CLNK: variants seen among roughly 807,000 people sequenced by gnomAD.
CLNK encodes the protein cytokine dependent hematopoietic cell linker.
A neutral mutation model predicts 68.6 loss-of-function variants in CLNK; 74 were observed. That is an observed-to-expected ratio of 1.08 (90% confidence interval 0.89 to 1.31). The LOEUF is 1.31. CLNK is among the 50% of genes most tolerant of loss of function. The pLI, the probability that CLNK is intolerant of heterozygous loss-of-function variation, is 0.00. For missense variants in CLNK, 553 were observed against 515.3 expected (o/e 1.07, Z -0.71); for synonymous variants, 198 against 172.2 (o/e 1.15, Z -1.17).
chr4:10,609,100 C>A (rs1721904769), intron 2 of CLNK, among the ~76,000 whole-genome samples: 1 of 152,214 alleles, frequency 6.6e-6, no homozygotes, highest in African/African-American at 2.4e-5. Context: ...TTAAACAAGA[C>A]AGGATAGGTG....
intron 2 of CLNK, among the ~76,000 whole-genome samples, chr4:10,621,419 A>G (rs1035494300): frequency 5.3e-5 from 8 of 152,296 alleles, no homozygotes; most frequent in African/African-American, 1.9e-4. Flanking sequence ...TCATTCAATC[A>G]AAGAAAACTA....
chr4:10,518,818 C>T (rs935219781), intron 15 of CLNK, among the ~76,000 whole-genome samples: 7 of 152,198 alleles, frequency 4.6e-5, no homozygotes, highest in African/African-American at 1.4e-4. Flanking sequence ...TGCATGAATG[C>T]CCATACCTGA....
intron 8 of CLNK, among the ~76,000 whole-genome samples, chr4:10,544,734 A>T (rs1719161421): frequency 6.6e-6 from 1 of 152,176 alleles, no homozygotes; most frequent in Non-Finnish European, 1.5e-5. Context: ...TTAAAACAGA[A>T]TACTTGAAAT....
At chr4:10,491,765 AG>A (rs1215296542) in intron 18 of CLNK, among the ~76,000 whole-genome samples, 1 of 130,976 alleles carries the variant, frequency 7.6e-6, no homozygotes, top group African/African-American at 3.0e-5. Flanking sequence ...GAGCATATAT[AG>A]TAATTTTTTT....
At chr4:10,678,831 G>T (rs2108901754) in intron 1 of CLNK, among the ~76,000 whole-genome samples, 1 of 152,224 alleles carries the variant, frequency 6.6e-6, no homozygotes, top group South Asian at 2.1e-4. Context: ...TCTTCAAGGA[G>T]AACTACAAAC....
At chr4:10,525,230 AATTTTTTTGT>A (rs1414750738) in intron 14 of CLNK, among the ~76,000 whole-genome samples, 28 of 151,928 alleles carry the variant, frequency 1.8e-4, no homozygotes, top group Admixed American at 1.8e-3. Flanking sequence ...ACACTCGGCT[AATTTTTTTGT>A]ATTTTTAGTA....
intron 16 of CLNK, among the ~76,000 whole-genome samples, chr4:10,511,187 A>G (rs915850256): frequency 2.6e-5 from 4 of 151,936 alleles, no homozygotes; most frequent in East Asian, 3.9e-4. Context: ...AAAAAAGCAT[A>G]TTTGATTGAA....
At chr4:10,558,014 T>C (rs1231447885) in intron 8 of CLNK, among the ~76,000 whole-genome samples, 7 of 152,384 alleles carry the variant, frequency 4.6e-5, no homozygotes, top group South Asian at 4.1e-4. Flanking sequence ...TGAGTTGTTT[T>C]GCCTAAAGCC....
chr4:10,582,475 C>T (rs979554361), intron 4 of CLNK, among the ~76,000 whole-genome samples: 8 of 152,048 alleles, frequency 5.3e-5, no homozygotes, highest in Non-Finnish European at 1.2e-4. Flanking sequence ...TTTTATTATA[C>T]GTGGAGGCTT....
Position 10,499,612 on chromosome 4 carries a change from G to A in CLNK, c.1140+1644C>T, listed in dbSNP as rs13127107. On this transcript the variant is annotated intron_variant, in intron 18 of 18. Coordinates refer to ENST00000226951, the MANE Select transcript of CLNK (RefSeq NM_052964.4). ...TTTTGTTATCTGTTGAAGAACAATC[G>A]GTATCTGTGTGAAAGTTCTGGTTTT... Among the ~76,000 whole-genome samples, 589 of 152,258 alleles carry A rather than the reference G, an allele frequency of 3.9e-3. 3 individuals carry two copies. Among genetic ancestry groups the A allele is most frequent in the Non-Finnish European group, 4.2e-3 (284 of 68,010 alleles).
At chr4:10,623,985 G>A (rs1301307503) in intron 2 of CLNK, among the ~76,000 whole-genome samples, 1 of 152,242 alleles carries the variant, frequency 6.6e-6, no homozygotes, top group East Asian at 1.9e-4. Context: ...CGTGTTTAAC[G>A]TGAAACGTGA....
chr4:10,706,896 T>C, the CLNK span, among the ~76,000 whole-genome samples: 1 of 152,174 alleles, frequency 6.6e-6, no homozygotes, highest in African/African-American at 2.4e-5. Flanking sequence ...CTGGCCGTGA[T>C]GGGAAGGGAA....
At chr4:10,706,371 C>G in the CLNK span, among the ~76,000 whole-genome samples, 2 of 152,146 alleles carry the variant, frequency 1.3e-5, no homozygotes, top group South Asian at 4.1e-4. Context: ...GGCTTTGTTT[C>G]TATGTTAAAC....
chr4:10,648,039 G>C (rs1028148525), intron 2 of CLNK, among the ~76,000 whole-genome samples: 1 of 152,086 alleles, frequency 6.6e-6, no homozygotes, highest in Non-Finnish European at 1.5e-5. Flanking sequence ...TTCTACATAG[G>C]CTGGAAACCA....
intron 2 of CLNK, among the ~76,000 whole-genome samples, chr4:10,625,168 G>A (rs1419648762): frequency 1.3e-5 from 2 of 152,200 alleles, no homozygotes; most frequent in Non-Finnish European, 2.9e-5. Context: ...GTAAAGCCAT[G>A]CAGGATTTTA....
At chr4:10,517,438 A>G (rs1345447016) in intron 15 of CLNK, 1 of 152,206 alleles carries the variant, frequency 6.6e-6, no homozygotes, top group African/African-American at 2.4e-5. Flanking sequence ...CCAGTTATGT[A>G]CTGATTGCAC....
chr4:10,558,099 G>T (rs1719744607), intron 8 of CLNK, among the ~76,000 whole-genome samples: 1 of 152,186 alleles, frequency 6.6e-6, no homozygotes, highest in African/African-American at 2.4e-5. Context: ...CTGGGGGTAT[G>T]CTTGGAGAGA....
the CLNK span, among the ~76,000 whole-genome samples, chr4:10,712,221 C>A: frequency 6.6e-6 from 1 of 152,068 alleles, no homozygotes; most frequent in Non-Finnish European, 1.5e-5. Context: ...TCACCTCAAG[C>A]CTGGTGATTT....
chr4:10,626,399 T>G (rs1722676464), intron 2 of CLNK, among the ~76,000 whole-genome samples: 1 of 152,224 alleles, frequency 6.6e-6, no homozygotes, highest in African/African-American at 2.4e-5. Flanking sequence ...TCTGATTCTC[T>G]TGAATGTCAT....
Sources: gnomAD v4.1 joint callset for allele counts (sites outside exome capture counted in the v4.1 genomes callset) on GRCh38, gnomAD v4.1.1 for gene constraint, MANE v1.5 for transcripts, NCBI Gene and HGNC (gene_info 2026-07-23, HGNC 2026-07-21) for gene names.